RMST: variants seen among roughly 807,000 people sequenced by gnomAD.
RMST encodes the protein rhabdomyosarcoma 2 associated transcript.
chr12:97,504,445 T>G (rs1043501469), intron 10 of RMST, among the ~76,000 whole-genome samples: 2 of 151,702 alleles, frequency 1.3e-5, no homozygotes, highest in Non-Finnish European at 2.9e-5. Flanking sequence ...ATGCACAAAC[T>G]TTAATGAATA....
chr12:97,538,334 T>C (rs2136612904), intron 11 of RMST, among the ~76,000 whole-genome samples: 1 of 151,554 alleles, frequency 6.6e-6, no homozygotes, highest in South Asian at 2.1e-4. Flanking sequence ...TTTTTTGTCT[T>C]TGGTTTCCAT....
chr12:97,539,696 T>C (rs376450960), intron 11 of RMST, among the ~76,000 whole-genome samples: 22 of 151,774 alleles, frequency 1.4e-4, no homozygotes, highest in African/African-American at 5.1e-4. Flanking sequence ...TTGACACACA[T>C]GAGCATTTCT....
At chr12:97,491,813 TG>T (rs1876848807) in intron 5 of RMST, 2 of 438,696 alleles carry the variant, frequency 4.6e-6, no homozygotes, top group South Asian at 1.7e-5. Context: ...ATGGCTTTTT[TG>T]TCGTCATGGG....
rs142620450 is a variant in RMST, at chr12:97,542,378, A to G, written n.1545+11519A>G. 4.2e-3 allele frequency among the ~76,000 whole-genome samples: 631 copies of G among 152,036 alleles called. 6 individuals carry two copies. The highest frequency in any genetic ancestry group is 0.014 in the Middle Eastern group (4 of 294). Reference sequence around the variant, plus strand: ...AGCAACTAGATAATTTTAATATGGCATGGAAATCATTGTAATCTCACTTGG... The same window carrying G: ...AGCAACTAGATAATTTTAATATGGCGTGGAAATCATTGTAATCTCACTTGG... On this transcript the variant is annotated intron_variant and non_coding_transcript_variant, in intron 11 of 13. Coordinates refer to ENST00000640149, the Ensembl canonical transcript of RMST.
intron 5 of RMST, among the ~76,000 whole-genome samples, chr12:97,481,405 A>G (rs533690745): frequency 6.6e-6 from 1 of 152,280 alleles, no homozygotes; most frequent in African/African-American, 2.4e-5. Context: ...TTTTTTAAAC[A>G]TTTAAAGGTC....
intron 5 of RMST, among the ~76,000 whole-genome samples, chr12:97,483,046 A>G (rs557282412): frequency 6.6e-6 from 1 of 152,152 alleles, no homozygotes; most frequent in East Asian, 1.9e-4. Context: ...TTTCAAATGA[A>G]TGAATGAATG....
At chr12:97,464,322 A>G (rs942027311) in intron 4 of RMST, among the ~76,000 whole-genome samples, 1 of 152,178 alleles carries the variant, frequency 6.6e-6, no homozygotes, top group Admixed American at 6.5e-5. Context: ...GATACAACAC[A>G]TTGTTTAAAT....
chr12:97,536,315 A>C (rs1882072362), intron 11 of RMST, among the ~76,000 whole-genome samples: 1 of 151,490 alleles, frequency 6.6e-6, no homozygotes, highest in African/African-American at 2.4e-5. Context: ...TTGAAAAAAA[A>C]ACTTTTTTTC....
At chr12:97,558,903 A>G (rs1454037430) in intron 11 of RMST, among the ~76,000 whole-genome samples, 1 of 152,226 alleles carries the variant, frequency 6.6e-6, no homozygotes, top group East Asian at 1.9e-4. Context: ...ATTCAAATCT[A>G]AGCAGAGTAG....
chr12:97,553,122 T>G (rs542820040), intron 11 of RMST, among the ~76,000 whole-genome samples: 1 of 152,360 alleles, frequency 6.6e-6, no homozygotes, highest in East Asian at 1.9e-4. Flanking sequence ...ATGACTGTAT[T>G]TGGCACATTT....
At chr12:97,495,039 C>T (rs7132525) in intron 9 of RMST, among the ~76,000 whole-genome samples, 118,619 of 152,072 alleles carry the variant, frequency 0.78, 46,553 homozygotes, top group Middle Eastern at 0.92. Flanking sequence ...AGCCGGGCTA[C>T]TGAATATCTT....
intron 11 of RMST, among the ~76,000 whole-genome samples, chr12:97,551,149 G>T (rs1883277597): frequency 6.7e-6 from 1 of 148,726 alleles, no homozygotes; most frequent in Non-Finnish European, 1.5e-5. Flanking sequence ...AAGCATTAAT[G>T]GCATTCATGG....
intron 13 of RMST, chr12:97,561,196 A>G (rs1350534513): frequency 6.6e-6 from 1 of 152,196 alleles, no homozygotes; most frequent in East Asian, 1.9e-4. Flanking sequence ...AGTCTTGCCC[A>G]TGTTGTTATT....
intron 9 of RMST, among the ~76,000 whole-genome samples, chr12:97,495,700 G>A (rs1877338045): frequency 1.3e-5 from 2 of 152,072 alleles, no homozygotes; most frequent in South Asian, 4.1e-4. Flanking sequence ...GCAAAGATAA[G>A]CATCTACTAG....
intron 10 of RMST, among the ~76,000 whole-genome samples, chr12:97,497,544 T>C (rs1310506862): frequency 6.6e-6 from 1 of 152,192 alleles, no homozygotes; most frequent in East Asian, 1.9e-4. Flanking sequence ...CACGGCACTC[T>C]AGTGCACTAA....
chr12:97,563,943 C>T (rs377055784), intron 13 of RMST: 6 of 479,394 alleles, frequency 1.3e-5, no homozygotes, highest in East Asian at 6.3e-5. Context: ...GTATAGAGAA[C>T]GTTAGCCTGT....
chr12:97,469,339 A>G (rs1357671366), intron 5 of RMST, among the ~76,000 whole-genome samples: 1 of 151,898 alleles, frequency 6.6e-6, no homozygotes, highest in Non-Finnish European at 1.5e-5. Flanking sequence ...GTCTAAATTT[A>G]TCCCATTTTC....
chr12:97,499,878 T>C (rs1877892440), intron 10 of RMST, among the ~76,000 whole-genome samples: 1 of 152,126 alleles, frequency 6.6e-6, no homozygotes, highest in Non-Finnish European at 1.5e-5. Flanking sequence ...AGGCTGGTTT[T>C]GAGCTCCTGA....
intron 5 of RMST, among the ~76,000 whole-genome samples, chr12:97,486,267 TGA>T (rs1302292116): frequency 2.7e-4 from 41 of 152,222 alleles, no homozygotes; most frequent in African/African-American, 9.6e-4. Context: ...TGAATGGGCT[TGA>T]TAATCACCTC....
Sources: allele counts gnomAD v4.1 joint callset (sites outside exome capture counted in the v4.1 genomes callset), GRCh38; gene constraint gnomAD v4.1.1; transcripts MANE v1.5; gene names NCBI Gene and HGNC (gene_info 2026-07-23, HGNC 2026-07-21).